AOPEP: variants seen among roughly 807,000 people sequenced by gnomAD.
AOPEP encodes the protein aminopeptidase O.
Under a neutral mutation model 98.1 loss-of-function variants are expected in AOPEP, and 77 were observed. The ratio of observed to expected loss-of-function variants is 0.78; its 90% CI spans 0.65 to 0.95. The LOEUF is 0.95. Among genes scored for constraint, AOPEP ranks in the 40% least tolerant of loss-of-function variants. AOPEP has a pLI of 0.00. For missense variants in AOPEP, 1,024 were observed against 1,024.7 expected (o/e 1.00, Z 0.01); for synonymous variants, 346 against 365.3 (o/e 0.95, Z 0.60).
chr9:95,093,836 G>T, the AOPEP span, among the ~76,000 whole-genome samples: 2,554 of 152,206 alleles, frequency 0.017, 83 homozygotes, highest in African/African-American at 0.058. Context: ...CCACCTTCTG[G>T]GGGCTTCGTT....
At chr9:94,954,602 T>C (rs2058331842) in intron 7 of AOPEP, among the ~76,000 whole-genome samples, 1 of 152,208 alleles carries the variant, frequency 6.6e-6, no homozygotes. Flanking sequence ...CTAATGTCTG[T>C]GTGCCTCAGT....
intron 6 of AOPEP, among the ~76,000 whole-genome samples, chr9:94,927,205 T>C (rs2054483586): frequency 6.6e-6 from 1 of 152,188 alleles, no homozygotes; most frequent in Non-Finnish European, 1.5e-5. Flanking sequence ...CTCTTCCTCT[T>C]CTTATAAGAA....
the AOPEP span, among the ~76,000 whole-genome samples, chr9:95,117,819 G>A: frequency 4.6e-5 from 7 of 151,936 alleles, no homozygotes; most frequent in South Asian, 2.1e-4. Context: ...TGGCTCCCGG[G>A]TTCAAGCGAT....
the AOPEP span, among the ~76,000 whole-genome samples, chr9:95,131,631 A>G: frequency 6.6e-6 from 1 of 152,218 alleles, no homozygotes; most frequent in African/African-American, 2.4e-5. Flanking sequence ...GACTACTGCT[A>G]AATTATCTAC....
chr9:95,134,893 A>G, the AOPEP span, among the ~76,000 whole-genome samples: 1 of 152,210 alleles, frequency 6.6e-6, no homozygotes, highest in African/African-American at 2.4e-5. Context: ...AAACTTACAG[A>G]AGTCTTAGCT....
rs1261008104 is a variant in AOPEP at position 94,800,896 on chromosome 9, A to G, written c.1258A>G (p.Ile420Val). 2.5e-6 allele frequency: 4 copies of G among 1,613,770 alleles called. No individual in the cohort carries two copies. In the African/African-American group the frequency reaches 4.0e-5, roughly 16 times the overall value. Residue 420 changes from isoleucine (I) to valine (V), a missense_variant, in exon 5 of 17, where the codon ATC becomes GTC. Coordinates refer to ENST00000375315, the MANE Select transcript of AOPEP (RefSeq NM_001193329.3). ...GACQETLLRL[I>V]PPCLSAAHSV... ...CTGCCAAGAGACCCTTCTGCGGCTG[A>G]TCCCTCCTTGCCTCTCAGCAGCACA...
intron 5 of AOPEP, among the ~76,000 whole-genome samples, chr9:94,851,035 A>G (rs1333165469): frequency 2.6e-5 from 4 of 152,216 alleles, no homozygotes; most frequent in African/African-American, 9.6e-5. Flanking sequence ...GATGACACCA[A>G]TGCCAAGTAA....
At chr9:94,816,651 G>T (rs4744377) in intron 5 of AOPEP, among the ~76,000 whole-genome samples, 118,616 of 151,858 alleles carry the variant, frequency 0.78, 47,802 homozygotes, top group Non-Finnish European at 0.89. Flanking sequence ...GAGACTAAGG[G>T]CTGGAGATGG....
At chr9:94,967,518 A>T (rs1268760473) in intron 9 of AOPEP, among the ~76,000 whole-genome samples, 2 of 152,244 alleles carry the variant, frequency 1.3e-5, no homozygotes, top group African/African-American at 4.8e-5. Context: ...ATTAGGTCAG[A>T]ATAATAAACA....
intron 14 of AOPEP, among the ~76,000 whole-genome samples, chr9:95,078,111 G>T (rs1431874701): frequency 2.0e-5 from 3 of 152,070 alleles, no homozygotes; most frequent in Non-Finnish European, 4.4e-5. Flanking sequence ...TAGCCTCCAG[G>T]GGTCAGAAGC....
At chr9:94,900,214 T>A (rs10993387) in intron 5 of AOPEP, among the ~76,000 whole-genome samples, 1 of 151,978 alleles carries the variant, frequency 6.6e-6, no homozygotes, top group Non-Finnish European at 1.5e-5. Context: ...GAAATGAGAC[T>A]GGGGGTAAAA....
At chr9:94,879,510 A>G (rs1441481459) in intron 5 of AOPEP, among the ~76,000 whole-genome samples, 3 of 152,246 alleles carry the variant, frequency 2.0e-5, no homozygotes, top group African/African-American at 7.2e-5. Context: ...TAACTTACCC[A>G]GTAAAATGAG....
intron 7 of AOPEP, among the ~76,000 whole-genome samples, chr9:94,951,052 A>G (rs1303004262): frequency 6.6e-6 from 1 of 152,236 alleles, no homozygotes; most frequent in African/African-American, 2.4e-5. Flanking sequence ...GGGGAAGGGA[A>G]AGGGCACGTC....
the AOPEP span, among the ~76,000 whole-genome samples, chr9:95,098,756 A>G: frequency 6.6e-6 from 1 of 152,226 alleles, no homozygotes; most frequent in Non-Finnish European, 1.5e-5. Context: ...AGACAGAACA[A>G]TTCAAGTGAG....
intron 1 of AOPEP, among the ~76,000 whole-genome samples, chr9:94,739,644 C>CAA (rs56210021): frequency 1.8e-3 from 143 of 79,426 alleles, no homozygotes; most frequent in Middle Eastern, 8.9e-3. Flanking sequence ...AACTTCGTCT[C>CAA]AAAAAAAAAA....
the AOPEP span, among the ~76,000 whole-genome samples, chr9:95,148,979 C>G: frequency 6.6e-6 from 1 of 152,112 alleles, no homozygotes; most frequent in African/African-American, 2.4e-5. Flanking sequence ...ACCAAAACAA[C>G]ACGTCCCACC....
At chr9:94,747,361 C>T (rs1321846766) in intron 1 of AOPEP, among the ~76,000 whole-genome samples, 1 of 151,992 alleles carries the variant, frequency 6.6e-6, no homozygotes, top group African/African-American at 2.4e-5. Flanking sequence ...TGACATTGCC[C>T]CACGGGTATG....
At chr9:95,143,717 C>T in the AOPEP span, among the ~76,000 whole-genome samples, 3 of 152,150 alleles carry the variant, frequency 2.0e-5, no homozygotes, top group South Asian at 2.1e-4. Context: ...GCAGTGGATT[C>T]GGATGACCTC....
At chr9:94,778,385 A>G (rs866270036) in intron 3 of AOPEP, among the ~76,000 whole-genome samples, 40 of 152,152 alleles carry the variant, frequency 2.6e-4, no homozygotes, top group Non-Finnish European at 1.5e-4. Context: ...AAACAGTCTA[A>G]CTGTAGATGG....
Sources: allele counts gnomAD v4.1 joint callset (sites outside exome capture counted in the v4.1 genomes callset), GRCh38; gene constraint gnomAD v4.1.1; transcripts MANE v1.5; gene names NCBI Gene and HGNC (gene_info 2026-07-23, HGNC 2026-07-21).